The following PTPRK variants were observed in gnomAD, a reference collection of about 807,000 sequenced individuals.
PTPRK encodes the protein receptor-type tyrosine-protein phosphatase kappa.
PTPRK carries 75 observed loss-of-function variants against 178.0 expected under a neutral mutation model. That is an observed-to-expected ratio of 0.42 (90% CI 0.35 to 0.51). The LOEUF is 0.51. PTPRK is among the 20% of genes least tolerant of loss of function. The probability of loss-of-function intolerance (pLI) is 0.02; values close to 1 mark genes in which losing one functional copy is unlikely to be tolerated. For synonymous variants in PTPRK, 637 were observed against 620.6 expected (o/e 1.03, Z -0.39); for missense variants, 1,441 against 1,797.8 (o/e 0.80, Z 3.59).
At position 127,986,115 on chromosome 6, in the gene PTPRK, A is replaced by G. The variant is rs965522213; in HGVS notation, c.3097-240T>C. 1.3e-5 allele frequency among the ~76,000 whole-genome samples: 2 copies of G among 152,206 alleles called. 1 individual carries two copies. Among genetic ancestry groups the G allele is most frequent in the South Asian group, 4.1e-4 (2 of 4,834 alleles). ...AAATTATAAGTCTTGCTCAGTTCTAAAAGTCTGGGTAAATTTTATTTACTT... is the reference window on the plus strand; with the variant it reads ...AAATTATAAGTCTTGCTCAGTTCTAGAAGTCTGGGTAAATTTTATTTACTT... On this transcript the variant is annotated intron_variant, in intron 21 of 29. Transcript: ENST00000368226.
intron 1 of PTPRK, among the ~76,000 whole-genome samples, chr6:128,457,719 T>C (rs1345552720): frequency 1.3e-5 from 2 of 152,146 alleles, no homozygotes; most frequent in Non-Finnish European, 2.9e-5. Flanking sequence ...GATAATTTTT[T>C]CCTAAAAATG....
intron 7 of PTPRK, among the ~76,000 whole-genome samples, chr6:128,169,408 C>A (rs1268873842): frequency 2.0e-5 from 3 of 151,768 alleles, no homozygotes; most frequent in Non-Finnish European, 2.9e-5. Flanking sequence ...CTTAAGTAAG[C>A]CATGTGTTAG....
At chr6:128,121,022 A>G (rs987333390) in intron 7 of PTPRK, among the ~76,000 whole-genome samples, 3 of 151,802 alleles carry the variant, frequency 2.0e-5, no homozygotes, top group Non-Finnish European at 2.9e-5. Flanking sequence ...ATCAATCAAA[A>G]TATTTATTGA....
chr6:128,171,337 G>C (rs971074272), intron 7 of PTPRK, among the ~76,000 whole-genome samples: 1 of 151,964 alleles, frequency 6.6e-6, no homozygotes, highest in Non-Finnish European at 1.5e-5. Flanking sequence ...AACCGACAGT[G>C]CATGATTATT....
chr6:128,277,246 T>C (rs1820865281), intron 3 of PTPRK, among the ~76,000 whole-genome samples: 1 of 152,188 alleles, frequency 6.6e-6, no homozygotes, highest in Non-Finnish European at 1.5e-5. Flanking sequence ...CTATTAAGTA[T>C]AAACCAAGGT....
At chr6:128,237,577 T>C (rs975592780) in intron 5 of PTPRK, among the ~76,000 whole-genome samples, 1 of 152,280 alleles carries the variant, frequency 6.6e-6, no homozygotes, top group Middle Eastern at 3.4e-3. Flanking sequence ...TGGAAGGGAT[T>C]TTAGTGTCTA....
At chr6:128,428,083 C>T (rs1421873063) in intron 1 of PTPRK, among the ~76,000 whole-genome samples, 11 of 151,912 alleles carry the variant, frequency 7.2e-5, no homozygotes, top group Admixed American at 2.6e-4. Flanking sequence ...CAGAGAGAGA[C>T]TCCGTCTCGA....
intron 8 of PTPRK, chr6:128,085,053 A>G (rs891338519): frequency 8.5e-5 from 13 of 152,338 alleles, no homozygotes; most frequent in Non-Finnish European, 1.6e-4. Context: ...ATATCTCACG[A>G]GAGCAGGATT....
At chr6:128,128,355 A>G (rs1157555133) in intron 7 of PTPRK, among the ~76,000 whole-genome samples, 1 of 152,130 alleles carries the variant, frequency 6.6e-6, no homozygotes, top group Admixed American at 6.5e-5. Flanking sequence ...CTCACTGCTT[A>G]TACAAGCATA....
chr6:127,980,148 T>C (rs1775127789), intron 25 of PTPRK, among the ~76,000 whole-genome samples: 1 of 152,118 alleles, frequency 6.6e-6, no homozygotes, highest in African/African-American at 2.4e-5. Flanking sequence ...CCATCTCTAC[T>C]AAATACAAAA....
chr6:128,326,250 T>C (rs554407151), intron 2 of PTPRK, among the ~76,000 whole-genome samples: 31 of 152,226 alleles, frequency 2.0e-4, no homozygotes, highest in African/African-American at 7.2e-4. Context: ...ATGGCACATG[T>C]ATACTTATGT....
intron 13 of PTPRK, among the ~76,000 whole-genome samples, chr6:128,018,111 A>G (rs972956830): frequency 1.3e-5 from 2 of 151,912 alleles, no homozygotes; most frequent in African/African-American, 4.8e-5. Flanking sequence ...CAGCAAGTCT[A>G]CAACTCACAC....
intron 7 of PTPRK, among the ~76,000 whole-genome samples, chr6:128,112,168 C>G (rs909946443): frequency 6.6e-6 from 1 of 152,066 alleles, no homozygotes; most frequent in African/African-American, 2.4e-5. Flanking sequence ...CTGACTTTTA[C>G]TTAGTATCCA....
intron 1 of PTPRK, among the ~76,000 whole-genome samples, chr6:128,483,901 A>G (rs1852444890): frequency 6.6e-6 from 1 of 152,132 alleles, no homozygotes; most frequent in Non-Finnish European, 1.5e-5. Flanking sequence ...ATATCTTTTT[A>G]TGAAAATAAT....
chr6:128,210,518 A>G (rs1166975915), intron 6 of PTPRK, among the ~76,000 whole-genome samples: 3 of 152,184 alleles, frequency 2.0e-5, no homozygotes, highest in Non-Finnish European at 4.4e-5. Flanking sequence ...GCATCTATTC[A>G]AGAAAAAATA....
Position 128,265,490 on chromosome 6 carries a change from G to C in PTPRK, c.496-22888C>G, listed in dbSNP as rs150894082. ...TTCTTGTAACAACCCTATGAGGTAG[G>C]GGCAATATTACTGATGAAGACATAG... is the stretch of plus-strand genomic sequence containing the variant. On this transcript the variant is annotated intron_variant, in intron 3 of 29. Coordinates refer to ENST00000368226, the MANE Select transcript of PTPRK (RefSeq NM_002844.4). 1.9e-4 allele frequency among the ~76,000 whole-genome samples: 29 copies of C among 152,092 alleles called. 1 individual carries two copies. In the East Asian group the frequency reaches 5.4e-3, roughly 28 times the overall value.
intron 3 of PTPRK, among the ~76,000 whole-genome samples, chr6:128,295,522 T>C (rs1363644278): frequency 6.6e-6 from 1 of 152,094 alleles, no homozygotes; most frequent in Non-Finnish European, 1.5e-5. Flanking sequence ...AAGAAATGTG[T>C]AAAAGATGCA....
At chr6:128,110,743 T>C (rs533109034) in intron 7 of PTPRK, among the ~76,000 whole-genome samples, 19 of 152,250 alleles carry the variant, frequency 1.2e-4, no homozygotes, top group African/African-American at 3.9e-4. Flanking sequence ...TATAACCATA[T>C]ATTTTCAGTG....
chr6:128,457,457 A>G (rs1356979104), intron 1 of PTPRK, among the ~76,000 whole-genome samples: 2 of 152,174 alleles, frequency 1.3e-5, no homozygotes, highest in Admixed American at 1.3e-4. Flanking sequence ...GACTTAGTCC[A>G]TCAACTGCTT....
Sources: gnomAD v4.1 joint callset for allele counts (sites outside exome capture counted in the v4.1 genomes callset) on GRCh38, gnomAD v4.1.1 for gene constraint, MANE v1.5 for transcripts, NCBI Gene and HGNC (gene_info 2026-07-23, HGNC 2026-07-21) for gene names.